PATJ: variants seen among roughly 807,000 people sequenced by gnomAD.
PATJ encodes PATJ crumbs cell polarity complex component.
In PATJ, 190 loss-of-function variants were observed where a neutral mutation model predicts 224.9. The ratio of observed to expected loss-of-function variants is 0.84; its 90% CI spans 0.75 to 0.95. The LOEUF (loss-of-function observed/expected upper bound fraction) is 0.95, where lower values mean the gene tolerates loss of function less well. Ranked by LOEUF, PATJ falls within the 40% of genes least tolerant of loss-of-function variation. The pLI is 0.00. For missense variants in PATJ, 2,121 were observed against 2,270.3 expected, an observed-to-expected ratio of 0.93 and a Z score of 1.34; for synonymous variants, 769 against 820.3, an observed-to-expected ratio of 0.94 and a Z score of 1.07.
intron 22 of PATJ, 48 bp downstream of exon 22, chr1:61,884,456 T>TGG: frequency 8.9e-6 from 1 of 111,758 alleles, no homozygotes; most frequent in Non-Finnish European, 1.3e-5. Flanking sequence ...TAGTGGTTTT[T>TGG]TTTTTTTTTT....
At chr1:61,780,216 C>T (rs1263490752) in intron 7 of PATJ, among the ~76,000 whole-genome samples, 1 of 152,056 alleles carries the variant, frequency 6.6e-6, no homozygotes, top group Non-Finnish European at 1.5e-5. Flanking sequence ...GTAATCCCAA[C>T]ACTTTGGGAG....
At chr1:62,118,666 G>A (rs538368545) in intron 37 of PATJ, among the ~76,000 whole-genome samples, 1 of 152,214 alleles carries the variant, frequency 6.6e-6, no homozygotes, top group South Asian at 2.1e-4. Context: ...GTCCCACTCT[G>A]TTGCCCAGGT....
rs767307735 is a variant in PATJ at position 61,990,358 on chromosome 1, C to G, written c.3861C>G (p.Leu1287=). ...ADGRMRIGDE[L]LEINNQILYG... ...GACGAATGCGTATTGGAGATGAACT[C>G]TTAGAGGTGAGAAGCATGTGTTTTT... Residue 1287 remains leucine (L), a synonymous_variant, in exon 28 of 44, where the codon CTC becomes CTG. Transcript: ENST00000642238. 1.2e-6 allele frequency: 2 copies of G among 1,610,090 alleles called. No individual in the cohort carries two copies. Among genetic ancestry groups the G allele is most frequent in the South Asian group, 2.2e-5 (2 of 90,020 alleles).
Position 61,970,070 on chromosome 1 carries a change from AT to A in PATJ, c.3671-20087del, listed in dbSNP as rs879576190. Among the ~76,000 whole-genome samples the A allele has an allele frequency of 8.2e-3, 1,173 of 142,336 alleles. 13 individuals are homozygous for A. Among genetic ancestry groups the A allele is most frequent in the African/African-American group, 0.024 (939 of 39,282 alleles). The allele number at this position is 142,336 out of a possible 152,430, so 93.4% of individuals were successfully genotyped here. ...ACCATTTGTCTATTTGGTTTTTTGT[AT>A]TTTTTTTTTTGTTTTTTGTTTTTTG... On this transcript the variant is annotated intron_variant, in intron 27 of 43. Transcript: ENST00000642238.
chr1:62,150,617 C>A (rs1668519014), intron 42 of PATJ, among the ~76,000 whole-genome samples: 1 of 136,188 alleles, frequency 7.3e-6, no homozygotes, highest in African/African-American at 2.8e-5. Flanking sequence ...TTTGAGGCTG[C>A]AACGGGCTGC....
chr1:61,801,887 A>G (rs921067269), intron 12 of PATJ, 118 bp downstream of exon 12: 16 of 628,390 alleles, frequency 2.5e-5, no homozygotes, highest in Admixed American at 9.6e-5. Flanking sequence ...ATAAAATAGG[A>G]TATTCTTAAT....
chr1:61,952,341 A>T (rs2149389621), intron 27 of PATJ: 1 of 710,172 alleles, frequency 1.4e-6, no homozygotes, highest in South Asian at 1.5e-5. Context: ...AGCTGCGTCC[A>T]GCATTGGATA....
intron 28 of PATJ, among the ~76,000 whole-genome samples, chr1:61,994,619 A>G (rs112234314): frequency 0.12 from 18,252 of 151,234 alleles, 1,320 homozygotes; most frequent in Non-Finnish European, 0.16. Context: ...CAATGGCGCC[A>G]CCTTGGCTCA....
chr1:61,900,643 G>A (rs568895143), intron 23 of PATJ, among the ~76,000 whole-genome samples: 1 of 151,944 alleles, frequency 6.6e-6, no homozygotes, highest in Non-Finnish European at 1.5e-5. Flanking sequence ...GGGCTGGAGT[G>A]CAGTGGCGCA....
intron 27 of PATJ, among the ~76,000 whole-genome samples, chr1:61,941,469 G>A (rs1228701651): frequency 6.6e-6 from 1 of 152,068 alleles, no homozygotes; most frequent in East Asian, 1.9e-4. Flanking sequence ...TGGCCAACAT[G>A]GTGAAACCCC....
Position 62,114,292 on chromosome 1 carries a change from G to C in PATJ, c.4655+46G>C, listed in dbSNP as rs374102595. On this transcript the variant is annotated intron_variant, in intron 35 of 43. Coordinates refer to ENST00000642238, the MANE Select transcript of PATJ (RefSeq NM_001350145.3). Reference sequence around the variant, plus strand: ...TTGGGATCTGCCTTTTTCATCCAGAGCTCTGATGCCTGTGAACACTGAAAG... The same window carrying C: ...TTGGGATCTGCCTTTTTCATCCAGACCTCTGATGCCTGTGAACACTGAAAG... 3.9e-6 allele frequency: 6 copies of C among 1,519,204 alleles called. No individual in the cohort carries two copies. In the African/African-American group the frequency reaches 8.3e-5, roughly 21 times the overall value. 94.1% of individuals were successfully genotyped at this position (1,519,204 alleles called of 1,614,324 possible). A position where few individuals can be genotyped will look rare whatever the true frequency, so the allele number is the denominator to read the frequency against.
intron 27 of PATJ, among the ~76,000 whole-genome samples, chr1:61,955,170 A>C (rs1680269853): frequency 6.6e-6 from 1 of 152,148 alleles, no homozygotes; most frequent in South Asian, 2.1e-4. Flanking sequence ...AACTCTTTTT[A>C]TAGAATGCTT....
chr1:62,139,265 G>A (rs1032397159), intron 41 of PATJ, among the ~76,000 whole-genome samples: 6 of 151,946 alleles, frequency 3.9e-5, no homozygotes, highest in African/African-American at 1.5e-4. Flanking sequence ...GCCGGGCGTG[G>A]TGGCGGGCGC....
At chr1:61,885,511 C>A (rs559296437) in intron 22 of PATJ, among the ~76,000 whole-genome samples, 67 of 151,308 alleles carry the variant, frequency 4.4e-4, no homozygotes, top group South Asian at 1.9e-3. Context: ...GGCAATCATT[C>A]AAAAGTCAGG....
chr1:62,155,691 T>TAA (rs1558245840), intron 43 of PATJ, among the ~76,000 whole-genome samples: 8 of 93,376 alleles, frequency 8.6e-5, no homozygotes, highest in East Asian at 1.0e-3. Context: ...AGCTCTGAAT[T>TAA]TAAAAAAAAA....
intron 1 of PATJ, among the ~76,000 whole-genome samples, chr1:61,754,718 T>C (rs1049894047): frequency 6.6e-6 from 1 of 151,944 alleles, no homozygotes; most frequent in African/African-American, 2.4e-5. Flanking sequence ...CACCATGGAA[T>C]TGTAATTTTC....
intron 17 of PATJ, among the ~76,000 whole-genome samples, chr1:61,845,795 G>C (rs2148859661): frequency 6.6e-6 from 1 of 152,316 alleles, no homozygotes; most frequent in Non-Finnish European, 1.5e-5. Context: ...CAATCTCCCA[G>C]TCTAGAGATG....
chr1:61,860,072 T>C (rs1405500163), intron 18 of PATJ, among the ~76,000 whole-genome samples: 1 of 152,184 alleles, frequency 6.6e-6, no homozygotes, highest in Non-Finnish European at 1.5e-5. Flanking sequence ...GTCTTGTATT[T>C]ATATAGCTAT....
At chr1:61,897,393 G>C (rs772900534) in intron 22 of PATJ, among the ~76,000 whole-genome samples, 1 of 152,164 alleles carries the variant, frequency 6.6e-6, no homozygotes, top group Admixed American at 6.6e-5. Context: ...ATAAAGGCAA[G>C]TTTTTTTCAT....
Sources: gnomAD v4.1 joint callset for allele counts (sites outside exome capture counted in the v4.1 genomes callset) on GRCh38, gnomAD v4.1.1 for gene constraint, MANE v1.5 for transcripts, NCBI Gene and HGNC (gene_info 2026-07-23, HGNC 2026-07-21) for gene names.